TBC1D12: variants seen among roughly 807,000 people sequenced by gnomAD.
TBC1D12 encodes the protein TBC1 domain family, member 12.
TBC1D12 carries 56 observed loss-of-function variants against 86.7 expected under a neutral mutation model. That is an observed-to-expected ratio of 0.65 (90% confidence interval 0.52 to 0.81). The LOEUF is 0.81. TBC1D12 is among the 30% of genes least tolerant of loss of function. The pLI is 0.00. For missense variants in TBC1D12, 1,023 were observed against 1,038.8 expected (o/e 0.98, Z 0.21); for synonymous variants, 421 against 411.7 (o/e 1.02, Z -0.27).
intron 1 of TBC1D12, among the ~76,000 whole-genome samples, chr10:94,432,338 A>G (rs1374052955): frequency 2.0e-5 from 3 of 152,270 alleles, no homozygotes; most frequent in Non-Finnish European, 4.4e-5. Flanking sequence ...CTTAAGATTT[A>G]ATAAAGTAGT....
chr10:94,505,062 A>T (rs555903985), intron 6 of TBC1D12, among the ~76,000 whole-genome samples: 72 of 152,272 alleles, frequency 4.7e-4, no homozygotes, highest in African/African-American at 1.7e-3. Flanking sequence ...TATTAGATCA[A>T]TTTTATGACT....
intron 1 of TBC1D12, among the ~76,000 whole-genome samples, chr10:94,427,664 T>C (rs1363154509): frequency 2.6e-5 from 4 of 151,768 alleles, no homozygotes; most frequent in Non-Finnish European, 4.4e-5. Context: ...AAACCCTGTC[T>C]CCAATAAAAA....
intron 8 of TBC1D12, among the ~76,000 whole-genome samples, chr10:94,510,474 A>G (rs1218796698): frequency 2.0e-5 from 3 of 152,188 alleles, no homozygotes; most frequent in Admixed American, 1.3e-4. Flanking sequence ...AGATATATGA[A>G]TTCTTAATAT....
chr10:94,526,298 T>C (rs1316982503), intron 11 of TBC1D12, among the ~76,000 whole-genome samples: 3 of 151,922 alleles, frequency 2.0e-5, no homozygotes, highest in Non-Finnish European at 4.4e-5. Flanking sequence ...GTATGGTACA[T>C]GGTGGCATCA....
chr10:94,513,106 G>A (rs2134209620), intron 9 of TBC1D12, among the ~76,000 whole-genome samples: 1 of 152,224 alleles, frequency 6.6e-6, no homozygotes, highest in Admixed American at 6.5e-5. Context: ...AATTAGCTGG[G>A]CATGGTGGCA....
chr10:94,475,257 G>A (rs1466521795), intron 3 of TBC1D12, among the ~76,000 whole-genome samples: 1 of 152,124 alleles, frequency 6.6e-6, no homozygotes, highest in Non-Finnish European at 1.5e-5. Flanking sequence ...ATGTATTTAA[G>A]ATGTGCTTGT....
chr10:94,458,540 G>A (rs1474673609), intron 2 of TBC1D12, among the ~76,000 whole-genome samples: 1 of 152,158 alleles, frequency 6.6e-6, no homozygotes, highest in Non-Finnish European at 1.5e-5. Flanking sequence ...ACTGTGTCTG[G>A]AATTGGTGGG....
At chr10:94,518,481 GT>G (rs1361396900) in intron 9 of TBC1D12, among the ~76,000 whole-genome samples, 1 of 152,066 alleles carries the variant, frequency 6.6e-6, no homozygotes, top group Non-Finnish European at 1.5e-5. Context: ...CCTTTTGTAT[GT>G]GTCGTAACAA....
At chr10:94,500,464 C>A in intron 6 of TBC1D12, 137 bp downstream of exon 6, 1 of 536,808 alleles carries the variant, frequency 1.9e-6, no homozygotes, top group Non-Finnish European at 3.1e-6. Flanking sequence ...GCTTCATCCC[C>A]CTGTTATGAA....
At chr10:94,503,216 A>AT (rs943525164) in intron 6 of TBC1D12, among the ~76,000 whole-genome samples, 2 of 152,132 alleles carry the variant, frequency 1.3e-5, no homozygotes, top group Admixed American at 1.3e-4. Context: ...AAAGACATAT[A>AT]TTTTTTCCTG....
rs548072032 is a variant in TBC1D12 at position 94,535,722 on chromosome 10, T to G, written c.*2626T>G. 10 of 152,320 alleles carry G rather than the reference T, an allele frequency of 6.6e-5. No individual in the cohort carries two copies. The highest frequency in any genetic ancestry group is 2.2e-4 in the African/African-American group (9 of 41,580). 9.4% of individuals were successfully genotyped at this position (152,320 alleles called of 1,614,324 possible). On this transcript the variant is annotated 3_prime_UTR_variant, in exon 13 of 13. Coordinates refer to ENST00000225235, the MANE Select transcript of TBC1D12 (RefSeq NM_015188.2). ...CATCTGGCAGTAATCTCATTCAGGT[T>G]ATACTACCTGACTAAATTTAATCAT...
chr10:94,405,285 G>A (rs899482679), intron 1 of TBC1D12, among the ~76,000 whole-genome samples: 3 of 151,964 alleles, frequency 2.0e-5, no homozygotes, highest in Non-Finnish European at 2.9e-5. Context: ...TACAATTAGC[G>A]TACATATTGT....
chr10:94,532,839 T>G (rs1361721447), intron 12 of TBC1D12, among the ~76,000 whole-genome samples, 189 bp from the exon 13 acceptor site: 1 of 152,144 alleles, frequency 6.6e-6, no homozygotes, highest in East Asian at 1.9e-4. Context: ...AGTTGGCAAT[T>G]GGTAAAAATT....
chr10:94,426,587 A>G (rs1269225505), intron 1 of TBC1D12, among the ~76,000 whole-genome samples: 2 of 151,730 alleles, frequency 1.3e-5, no homozygotes, highest in Non-Finnish European at 2.9e-5. Context: ...ATTTTTGTAT[A>G]TTTTTTTGAG....
intron 9 of TBC1D12, among the ~76,000 whole-genome samples, chr10:94,515,573 T>A (rs910908773): frequency 6.6e-6 from 1 of 151,908 alleles, no homozygotes; most frequent in African/African-American, 2.4e-5. Context: ...AGTCTCGAAC[T>A]CCTGACCTCA....
chr10:94,426,014 C>T (rs74153344), intron 1 of TBC1D12, among the ~76,000 whole-genome samples: 3,309 of 152,070 alleles, frequency 0.022, 124 homozygotes, highest in African/African-American at 0.074. Context: ...GTGTGCTTGC[C>T]TTTTATCTTG....
Position 94,403,385 on chromosome 10 carries a change from G to T in TBC1D12, c.772G>T (p.Gly258Trp). The T allele has an allele frequency of 6.5e-7, 1 of 1,544,422 alleles. No individual in the cohort carries two copies. The highest frequency in any genetic ancestry group is 2.5e-5 in the East Asian group (1 of 39,744). Reference sequence around the variant, plus strand: ...TGCCACCTCGGCCGAGAGGACTAATGGGGGTGCGGAGCCGCGCCTGGGCTT... The same window carrying T: ...TGCCACCTCGGCCGAGAGGACTAATTGGGGTGCGGAGCCGCGCCTGGGCTT... ...PPATSAERTNGGAEPRLGFSD... is the reference protein window; with the variant it reads ...PPATSAERTNWGAEPRLGFSD... The change falls in exon 1 of 13, where the codon GGG (glycine) becomes TGG (tryptophan). Residue 258 changes from glycine (G) to tryptophan (W), a missense_variant. Physicochemically the swap from Gly to Trp is radical, Grantham distance 184. Around this residue, in one of 2 missense-constraint regions of TBC1D12, gnomAD observed 628 missense variants for 531.1 expected, o/e 1.18. Transcript: ENST00000225235.
At chr10:94,528,947 A>G (rs966701303) in intron 11 of TBC1D12, among the ~76,000 whole-genome samples, 1 of 152,156 alleles carries the variant, frequency 6.6e-6, no homozygotes, top group Non-Finnish European at 1.5e-5. Flanking sequence ...TTAAGCTTTA[A>G]TGTAGAAAAA....
At position 94,533,319 on chromosome 10, in the gene TBC1D12, G is replaced by GA. The variant is rs1842476096; in HGVS notation, c.*228dup. ...TTGTAGGTAGAGTCATTTTTCAAAG[G>GA]AAAAAGTTTAAGTGGTGAGTTTATA... is the stretch of plus-strand genomic sequence containing the variant. On this transcript the variant is annotated 3_prime_UTR_variant, in exon 13 of 13. Coordinates refer to ENST00000225235, the MANE Select transcript of TBC1D12 (RefSeq NM_015188.2). 2 of 328,402 alleles carry GA rather than the reference G, an allele frequency of 6.1e-6. No individual in the cohort carries two copies. The highest frequency in any genetic ancestry group is 4.3e-5 in the African/African-American group (2 of 46,408). 20.3% of individuals were successfully genotyped at this position (328,402 alleles called of 1,614,324 possible). A position where few individuals can be genotyped will look rare whatever the true frequency, so the allele number is the denominator to read the frequency against.
Sources: allele counts gnomAD v4.1 joint callset (sites outside exome capture counted in the v4.1 genomes callset), GRCh38; gene constraint gnomAD v4.1.1; regional missense constraint gnomAD v4.1.1; transcripts MANE v1.5; gene names NCBI Gene and HGNC (gene_info 2026-07-23, HGNC 2026-07-21).